PCOLCE2: variants seen among roughly 807,000 people sequenced by gnomAD.
The protein encoded by PCOLCE2 is procollagen C-endopeptidase enhancer 2, also known as procollagen C-proteinase enhancer 2.
PCOLCE2 carries 42 observed loss-of-function variants against 47.0 expected under a neutral mutation model. That is an observed-to-expected ratio of 0.89 (90% CI 0.70 to 1.16). PCOLCE2 has a LOEUF of 1.16. PCOLCE2 is among the 50% of genes most tolerant of loss of function. PCOLCE2 has a pLI of 0.00. For synonymous variants in PCOLCE2, 169 were observed against 191.7 expected (o/e 0.88, Z 0.98); for missense variants, 500 against 526.1 (o/e 0.95, Z 0.49).
intron 8 of PCOLCE2, 60 bp from the exon 9 acceptor site, chr3:142,818,525 T>G (rs1936976958): frequency 7.8e-7 from 1 of 1,284,024 alleles, no homozygotes; most frequent in African/African-American, 1.5e-5. Context: ...TGAAACAACT[T>G]AGACTGTAAG....
intron 2 of PCOLCE2, among the ~76,000 whole-genome samples, chr3:142,870,284 T>C (rs1249772161): frequency 6.6e-6 from 1 of 152,134 alleles, no homozygotes; most frequent in African/African-American, 2.4e-5. Flanking sequence ...TTATGTAAAA[T>C]GTTAGGTTGA....
At chr3:142,830,054 A>C (rs554863585) in intron 5 of PCOLCE2, among the ~76,000 whole-genome samples, 4 of 152,340 alleles carry the variant, frequency 2.6e-5, no homozygotes, top group Non-Finnish European at 5.9e-5. Context: ...GTGAATTGTC[A>C]CATTCCACCT....
At chr3:142,867,195 T>C (rs556832250) in intron 2 of PCOLCE2, among the ~76,000 whole-genome samples, 1 of 152,186 alleles carries the variant, frequency 6.6e-6, no homozygotes, top group East Asian at 1.9e-4. Context: ...CCTCCCTCTG[T>C]AGAGGGAGCT....
At chr3:142,852,334 C>T (rs139887180) in intron 2 of PCOLCE2, among the ~76,000 whole-genome samples, 11 of 151,920 alleles carry the variant, frequency 7.2e-5, no homozygotes, top group Admixed American at 2.0e-4. Context: ...GCATATTCTC[C>T]GAAGATGGCC....
intron 2 of PCOLCE2, among the ~76,000 whole-genome samples, chr3:142,849,513 T>C (rs780343568): frequency 1.3e-5 from 2 of 152,204 alleles, no homozygotes; most frequent in Non-Finnish European, 2.9e-5. Context: ...TTCTTAATGA[T>C]GGTTCCTTCC....
At chr3:142,823,395 G>T in intron 7 of PCOLCE2, 137 bp downstream of exon 7, 1 of 595,604 alleles carries the variant, frequency 1.7e-6, no homozygotes, top group Non-Finnish European at 3.0e-6. Flanking sequence ...CCATTCTGGT[G>T]TATAGGCAAG....
chr3:142,824,967 A>T (rs779128093), intron 6 of PCOLCE2, among the ~76,000 whole-genome samples: 3 of 152,224 alleles, frequency 2.0e-5, no homozygotes, highest in Non-Finnish European at 4.4e-5. Context: ...AGTTAACTCC[A>T]GAAAGAATCT....
chr3:142,859,635 G>A (rs1228346343), intron 2 of PCOLCE2, among the ~76,000 whole-genome samples: 3 of 150,136 alleles, frequency 2.0e-5, no homozygotes, highest in African/African-American at 7.4e-5. Flanking sequence ...GCGTGATATC[G>A]GCTCACTGCA....
At chr3:142,870,399 T>C (rs1202832876) in intron 2 of PCOLCE2, among the ~76,000 whole-genome samples, 2 of 152,182 alleles carry the variant, frequency 1.3e-5, no homozygotes, top group African/African-American at 4.8e-5. Flanking sequence ...CTCTAGAAAG[T>C]ATTTTTCATG....
chr3:142,832,610 C>T (rs996170251), intron 5 of PCOLCE2, among the ~76,000 whole-genome samples: 1 of 152,160 alleles, frequency 6.6e-6, no homozygotes, highest in Non-Finnish European at 1.5e-5. Flanking sequence ...ACTCAAAAAC[C>T]CACCCAGGAC....
At chr3:142,858,251 C>T (rs1933108738) in intron 2 of PCOLCE2, among the ~76,000 whole-genome samples, 1 of 152,174 alleles carries the variant, frequency 6.6e-6, no homozygotes, top group Non-Finnish European at 1.5e-5. Flanking sequence ...TGACTGTGAA[C>T]CTTGCACAGA....
intron 2 of PCOLCE2, among the ~76,000 whole-genome samples, chr3:142,878,745 C>G (rs1933548846): frequency 6.6e-6 from 1 of 152,048 alleles, no homozygotes. Flanking sequence ...GTCCCAGCTA[C>G]TGGGTGGCTG....
At chr3:142,827,651 G>T (rs537549859) in intron 6 of PCOLCE2, 1 of 1,456,478 alleles carries the variant, frequency 6.9e-7, no homozygotes, top group Admixed American at 1.7e-5. Context: ...GAAAAGCTCC[G>T]TCCGCTTCTT....
intron 5 of PCOLCE2, among the ~76,000 whole-genome samples, 166 bp from the exon 6 acceptor site, chr3:142,830,012 G>A (rs904524203): frequency 2.0e-5 from 3 of 152,122 alleles, no homozygotes; most frequent in African/African-American, 7.2e-5. Flanking sequence ...AACATTTACC[G>A]AGTGTTTGCT....
At chr3:142,869,784 C>T (rs1933349055) in intron 2 of PCOLCE2, among the ~76,000 whole-genome samples, 1 of 152,190 alleles carries the variant, frequency 6.6e-6, no homozygotes, top group South Asian at 2.1e-4. Flanking sequence ...CCTTTCTGGA[C>T]CGAACCAATG....
intron 6 of PCOLCE2, chr3:142,827,223 G>C: frequency 8.1e-7 from 1 of 1,228,294 alleles, no homozygotes; most frequent in Admixed American, 1.7e-5. Context: ...ATGTGCTGGT[G>C]GTTGCCACCT....
rs146775865 is a variant in PCOLCE2 at position 142,875,445 on chromosome 3, A to C, written c.192+12224T>G. Among the ~76,000 whole-genome samples, 17 of 152,294 alleles carry C rather than the reference A, an allele frequency of 1.1e-4. No individual in the cohort carries two copies. The East Asian group carries it at 2.7e-3, about 24-fold the overall frequency. Reference sequence around the variant, plus strand: ...TCCTCAAAACCTAAATTATCACATGATCCAGCAGTTCCACTCCTGACTACA... The same window carrying C: ...TCCTCAAAACCTAAATTATCACATGCTCCAGCAGTTCCACTCCTGACTACA... On this transcript the variant is annotated intron_variant, in intron 2 of 8. Coordinates refer to ENST00000295992, the MANE Select transcript of PCOLCE2 (RefSeq NM_013363.4).
intron 2 of PCOLCE2, among the ~76,000 whole-genome samples, chr3:142,877,563 C>T (rs1013116103): frequency 3.9e-5 from 6 of 152,196 alleles, no homozygotes; most frequent in Admixed American, 1.3e-4. Context: ...CATCTACTGC[C>T]TCCTTCAGTC....
At chr3:142,863,375 CAT>C (rs1933219562) in intron 2 of PCOLCE2, among the ~76,000 whole-genome samples, 1 of 152,142 alleles carries the variant, frequency 6.6e-6, no homozygotes, top group South Asian at 2.1e-4. Context: ...TGCTTTTGAA[CAT>C]GTCAGGTTAA....
Sources: allele counts gnomAD v4.1 joint callset (sites outside exome capture counted in the v4.1 genomes callset), GRCh38; gene constraint gnomAD v4.1.1; transcripts MANE v1.5; gene names NCBI Gene and HGNC (gene_info 2026-07-23, HGNC 2026-07-21).